The following MEIS2 variants were observed in gnomAD, a reference collection of about 807,000 sequenced individuals.
The protein encoded by MEIS2 is homeobox protein Meis2.
Under a neutral mutation model 58.6 loss-of-function variants are expected in MEIS2, and 9 were observed. The observed-to-expected ratio is 0.15, with a 90% CI of 0.09 to 0.27. The LOEUF is 0.27. MEIS2 is among the 10% of genes least tolerant of loss of function. The pLI, the probability that MEIS2 is intolerant of heterozygous loss-of-function variation, is 1.00. For synonymous variants in MEIS2, 221 were observed against 228.4 expected (o/e 0.97, Z 0.29); for missense variants, 427 against 635.0 (o/e 0.67, Z 3.52).
At chr15:37,024,377 C>T (rs1441893838) in intron 8 of MEIS2, among the ~76,000 whole-genome samples, 1 of 152,200 alleles carries the variant, frequency 6.6e-6, no homozygotes, top group African/African-American at 2.4e-5. Flanking sequence ...TGCACTGTCT[C>T]TTATTTTAAC....
rs1419194664 is a variant in MEIS2, at chr15:36,889,889, TTCTC to T, written c.*2280_*2283del. 5 of 152,208 alleles carry T rather than the reference TTCTC, an allele frequency of 3.3e-5. No individual in the cohort carries two copies. Among genetic ancestry groups the T allele is most frequent in the Admixed American group, 2.6e-4 (4 of 15,282 alleles). The allele number at this position is 152,208 out of a possible 1,614,324, so 9.4% of individuals were successfully genotyped here. A position where few individuals can be genotyped will look rare whatever the true frequency, so the allele number is the denominator to read the frequency against. ...CTCTCTTTCCCAAGTGGCACTGAAT[TTCTC>T]TATTAAGTTAGTTTGTGTCAGAAGC... is the stretch of plus-strand genomic sequence containing the variant. On this transcript the variant is annotated 3_prime_UTR_variant, in exon 12 of 12. Coordinates refer to ENST00000561208, the MANE Select transcript of MEIS2 (RefSeq NM_170675.5).
chr15:37,011,607 G>GTTTT (rs574386772), intron 8 of MEIS2, among the ~76,000 whole-genome samples: 3 of 66,762 alleles, frequency 4.5e-5, no homozygotes, highest in African/African-American at 1.9e-4. Flanking sequence ...TCTATCAGTG[G>GTTTT]TTTTTTTTTT....
At chr15:37,073,818 A>G (rs920158398) in intron 7 of MEIS2, among the ~76,000 whole-genome samples, 2 of 152,118 alleles carry the variant, frequency 1.3e-5, no homozygotes. Flanking sequence ...CTTCAAACTT[A>G]TAAAAAAAGA....
At chr15:37,084,796 A>G (rs955723109) in intron 6 of MEIS2, among the ~76,000 whole-genome samples, 13 of 152,228 alleles carry the variant, frequency 8.5e-5, no homozygotes, top group Admixed American at 5.2e-4. Context: ...TCTAATGTAC[A>G]GGAAGGACTT....
At chr15:37,052,404 C>A (rs1465945428) in intron 7 of MEIS2, among the ~76,000 whole-genome samples, 5 of 152,178 alleles carry the variant, frequency 3.3e-5, no homozygotes, top group Non-Finnish European at 5.9e-5. Context: ...AGAAACTCGC[C>A]TAAAGTCACG....
At chr15:37,052,217 C>A (rs1245007188) in intron 7 of MEIS2, among the ~76,000 whole-genome samples, 1 of 152,152 alleles carries the variant, frequency 6.6e-6, no homozygotes, top group African/African-American at 2.4e-5. Context: ...TGCCAGCCTG[C>A]TCCATGCCTT....
At chr15:37,079,946 G>A (rs890774059) in intron 7 of MEIS2, among the ~76,000 whole-genome samples, 1 of 152,270 alleles carries the variant, frequency 6.6e-6, no homozygotes, top group East Asian at 1.9e-4. Context: ...TGGGCCAACT[G>A]TCTCGGTATT....
At chr15:36,934,623 A>T (rs1407658360) in intron 9 of MEIS2, among the ~76,000 whole-genome samples, 2 of 152,038 alleles carry the variant, frequency 1.3e-5, no homozygotes, top group Non-Finnish European at 2.9e-5. Flanking sequence ...TGGCTTTGTG[A>T]TGTTTGTTAT....
intron 8 of MEIS2, among the ~76,000 whole-genome samples, chr15:36,970,177 G>A (rs1265384829): frequency 2.6e-5 from 4 of 152,134 alleles, no homozygotes; most frequent in Admixed American, 6.5e-5. Flanking sequence ...GCCAAGGCGG[G>A]AGGATCATGA....
chr15:37,030,283 C>T (rs1008422221), intron 8 of MEIS2, among the ~76,000 whole-genome samples: 8 of 152,200 alleles, frequency 5.3e-5, no homozygotes, highest in African/African-American at 1.9e-4. Flanking sequence ...CTAGCTTCAA[C>T]AAGCAGCCAC....
intron 9 of MEIS2, among the ~76,000 whole-genome samples, chr15:36,942,856 TA>T (rs993896740): frequency 3.3e-5 from 5 of 151,896 alleles, no homozygotes; most frequent in Non-Finnish European, 7.4e-5. Context: ...TTTTTAAGAG[TA>T]AAAAAATTAG....
At chr15:36,912,378 T>C (rs1382019045) in intron 9 of MEIS2, among the ~76,000 whole-genome samples, 2 of 152,240 alleles carry the variant, frequency 1.3e-5, no homozygotes, top group Non-Finnish European at 2.9e-5. Context: ...TATGGAATGC[T>C]GCAGCTTAGA....
Position 37,052,118 on chromosome 15 carries a change from A to C in MEIS2, c.755-15159T>G, listed in dbSNP as rs578234219. ...TCACACCACACTGGAGATCTTAGAC[A>C]ATTTCAGAGGAAAACCACATCATTC... On this transcript the variant is annotated intron_variant, in intron 7 of 11. Transcript: ENST00000561208. 2.0e-5 allele frequency among the ~76,000 whole-genome samples: 3 copies of C among 152,318 alleles called. No individual in the cohort carries two copies. In the East Asian group the frequency reaches 5.8e-4, roughly 29 times the overall value.
intron 9 of MEIS2, among the ~76,000 whole-genome samples, chr15:36,910,521 GA>G (rs1315993578): frequency 6.6e-6 from 1 of 152,126 alleles, no homozygotes; most frequent in Non-Finnish European, 1.5e-5. Flanking sequence ...GATGTGAAAA[GA>G]AAATGAAGCG....
rs866582700 is a variant in MEIS2 at position 37,096,379 on chromosome 15, C to T, written c.297G>A (p.Ala99=). ...CTCCAGGTTCCCGGGGAGTGCAGGT[C>T]GCCAGCTCGCACTTCTCAAAGACCA... is the stretch of plus-strand genomic sequence containing the variant. ...LALVFEKCEL[A]TCTPREPGVA... The change falls in exon 3 of 12, where the codon GCG becomes GCA. Residue 99 remains alanine, a synonymous_variant. Coordinates refer to ENST00000561208, the MANE Select transcript of MEIS2 (RefSeq NM_170675.5). 3.1e-6 allele frequency: 5 copies of T among 1,613,942 alleles called. No homozygotes were observed. In the Middle Eastern group the frequency reaches 4.9e-4, roughly 160 times the overall value.
chr15:37,073,722 T>C (rs1195568612), intron 7 of MEIS2, among the ~76,000 whole-genome samples: 1 of 152,014 alleles, frequency 6.6e-6, no homozygotes, highest in Non-Finnish European at 1.5e-5. Context: ...ATTTTGAAAG[T>C]TTTATTTTAG....
chr15:36,929,175 T>A (rs1217352998), intron 9 of MEIS2, among the ~76,000 whole-genome samples: 1 of 152,220 alleles, frequency 6.6e-6, no homozygotes, highest in African/African-American at 2.4e-5. Context: ...AATATTCATA[T>A]CAATATAAGA....
chr15:37,057,742 C>T (rs1404437385), intron 7 of MEIS2, among the ~76,000 whole-genome samples: 1 of 151,926 alleles, frequency 6.6e-6, no homozygotes, highest in Non-Finnish European at 1.5e-5. Flanking sequence ...TTTGTGCTAC[C>T]CTATTTTCAG....
intron 7 of MEIS2, among the ~76,000 whole-genome samples, chr15:37,062,165 C>T (rs945346668): frequency 6.6e-6 from 1 of 152,146 alleles, no homozygotes. Flanking sequence ...TGACTCACAG[C>T]TCTCTGATCT....
Sources: gnomAD v4.1 joint callset for allele counts (sites outside exome capture counted in the v4.1 genomes callset) on GRCh38, gnomAD v4.1.1 for gene constraint, MANE v1.5 for transcripts, NCBI Gene and HGNC (gene_info 2026-07-23, HGNC 2026-07-21) for gene names.